The following CSMD1 variants were observed in gnomAD, a reference collection of about 807,000 sequenced individuals.
CSMD1 encodes CUB and Sushi multiple domains 1, also known as CUB and sushi domain-containing protein 1.
Under a neutral mutation model 417.5 loss-of-function variants are expected in CSMD1, and 213 were observed. That is an observed-to-expected ratio of 0.51 (90% CI 0.46 to 0.57). The LOEUF is 0.57. Among genes scored for constraint, CSMD1 ranks in the 20% least tolerant of loss-of-function variants. The probability of loss-of-function intolerance (pLI) is 0.00; values close to 1 mark genes in which losing one functional copy is unlikely to be tolerated. For synonymous variants in CSMD1, 2,862 were observed against 1,736.8 expected (o/e 1.65, Z -16.11); for missense variants, 6,923 against 4,529.7 (o/e 1.53, Z -15.17).
chr8:4,427,949 C>G (rs1033424538), intron 2 of CSMD1, among the ~76,000 whole-genome samples: 1 of 152,140 alleles, frequency 6.6e-6, no homozygotes, highest in African/African-American at 2.4e-5. Flanking sequence ...GTTATGTTTT[C>G]AAATGTTTTT....
Position 3,129,911 on chromosome 8 carries a change from G to A in CSMD1, c.6242-11324C>T, listed in dbSNP as rs151068109. Among the ~76,000 whole-genome samples the A allele has an allele frequency of 1.6e-3, 251 of 152,162 alleles. 6 individuals carry two copies. The East Asian group carries it at 0.042, about 26-fold the overall frequency. On this transcript the variant is annotated intron_variant, in intron 41 of 69. Transcript: ENST00000635120. ...TGGGAGAATCACCTGAGCCCGGGGG[G>A]CGGAGGTTGCAGTGAGCCGAGATCG...
chr8:3,550,396 A>G (rs189098140), intron 10 of CSMD1, among the ~76,000 whole-genome samples: 39 of 152,204 alleles, frequency 2.6e-4, no homozygotes, highest in Admixed American at 2.2e-3. Context: ...CCCCATCTTC[A>G]CAACCTCCAA....
intron 3 of CSMD1, among the ~76,000 whole-genome samples, chr8:4,249,153 C>A (rs1802893340): frequency 6.6e-6 from 1 of 152,178 alleles, no homozygotes; most frequent in South Asian, 2.1e-4. Flanking sequence ...ATAATCTTAA[C>A]ATATATTAAG....
At chr8:4,145,450 T>C (rs1462229604) in intron 3 of CSMD1, among the ~76,000 whole-genome samples, 2 of 151,232 alleles carry the variant, frequency 1.3e-5, no homozygotes, top group East Asian at 1.9e-4. Flanking sequence ...GGTTACTATA[T>C]ATTTTTTGTA....
At chr8:4,281,284 G>C (rs1032057376) in intron 3 of CSMD1, among the ~76,000 whole-genome samples, 2 of 152,216 alleles carry the variant, frequency 1.3e-5, no homozygotes, top group Non-Finnish European at 2.9e-5. Flanking sequence ...TGGGAAAATA[G>C]AAGGTAGAGA....
chr8:3,064,935 G>A (rs1812820932), intron 49 of CSMD1, among the ~76,000 whole-genome samples: 1 of 152,094 alleles, frequency 6.6e-6, no homozygotes, highest in African/African-American at 2.4e-5. Context: ...GTGGAAGGGA[G>A]AAAATTAGAG....
chr8:4,023,117 G>C lies in CSMD1; in HGVS notation c.610+8788C>G, dbSNP rs530919540. Among the ~76,000 whole-genome samples, 7 of 152,236 alleles carry C rather than the reference G, an allele frequency of 4.6e-5. No individual in the cohort carries two copies. In the South Asian group the frequency reaches 8.3e-4, roughly 18 times the overall value. On this transcript the variant is annotated intron_variant, in intron 4 of 69. Coordinates refer to ENST00000635120, the MANE Select transcript of CSMD1 (RefSeq NM_033225.6). ...CTTCAGCTAATGCAGTGGATGTACAGGAGATGCACTCTAATGTGTGGAGGA... is the reference window on the plus strand; with the variant it reads ...CTTCAGCTAATGCAGTGGATGTACACGAGATGCACTCTAATGTGTGGAGGA...
chr8:3,985,804 G>A (rs573709768), intron 5 of CSMD1, among the ~76,000 whole-genome samples: 60 of 149,686 alleles, frequency 4.0e-4, no homozygotes, highest in African/African-American at 1.3e-3. Context: ...CGCCCAGATT[G>A]GACAGGGTGA....
chr8:4,158,691 C>G (rs568511768), intron 3 of CSMD1, among the ~76,000 whole-genome samples: 2 of 152,116 alleles, frequency 1.3e-5, no homozygotes, highest in Admixed American at 6.5e-5. Flanking sequence ...GGGCCAGCAG[C>G]TATTCCTAAA....
Position 4,128,351 on chromosome 8 carries a change from A to T in CSMD1, c.416-96252T>A, listed in dbSNP as rs77465273. Among the ~76,000 whole-genome samples, 1,164 of 152,290 alleles carry T rather than the reference A, an allele frequency of 7.6e-3. 17 individuals are homozygous for T. The highest frequency in any genetic ancestry group is 0.026 in the African/African-American group (1,079 of 41,562). Reference sequence around the variant, plus strand: ...AATGAGGAGACAAGAACGTGAACCAAGTAAAAACTTATGTGGATGGTAAAC... The same window carrying T: ...AATGAGGAGACAAGAACGTGAACCATGTAAAAACTTATGTGGATGGTAAAC... On this transcript the variant is annotated intron_variant, in intron 3 of 69. Coordinates refer to ENST00000635120, the MANE Select transcript of CSMD1 (RefSeq NM_033225.6).
chr8:4,525,026 A>G (rs548334518), intron 2 of CSMD1, among the ~76,000 whole-genome samples: 2 of 152,300 alleles, frequency 1.3e-5, no homozygotes, highest in South Asian at 4.1e-4. Flanking sequence ...TATATTTTGA[A>G]TCAAGACATT....
At chr8:3,870,340 G>T (rs954894464) in intron 5 of CSMD1, among the ~76,000 whole-genome samples, 2 of 151,996 alleles carry the variant, frequency 1.3e-5, no homozygotes, top group African/African-American at 2.4e-5. Context: ...ATGATGATTT[G>T]TAGCACATAT....
intron 3 of CSMD1, among the ~76,000 whole-genome samples, chr8:4,332,471 A>T (rs1442885172): frequency 6.6e-6 from 1 of 151,822 alleles, no homozygotes; most frequent in African/African-American, 2.4e-5. Context: ...TGTCTCTCCA[A>T]CTGAGCACCT....
At chr8:3,585,672 T>C (rs931437157) in intron 9 of CSMD1, among the ~76,000 whole-genome samples, 1 of 152,218 alleles carries the variant, frequency 6.6e-6, no homozygotes, top group Non-Finnish European at 1.5e-5. Context: ...AGATTAAAGA[T>C]CATTTATTAA....
At chr8:3,775,213 G>C (rs964736297) in intron 5 of CSMD1, among the ~76,000 whole-genome samples, 5 of 152,196 alleles carry the variant, frequency 3.3e-5, no homozygotes, top group Admixed American at 2.6e-4. Context: ...GAAAGGTTTA[G>C]ATAAAACTTT....
rs79358183 is a variant in CSMD1, at chr8:4,423,602, A to T, written c.303-3537T>A. Among the ~76,000 whole-genome samples, 122 of 152,156 alleles carry T rather than the reference A, an allele frequency of 8.0e-4. 1 individual carries two copies. The highest frequency in any genetic ancestry group is 2.7e-3 in the African/African-American group (114 of 41,546). ...ATGTTAATAGTATGGAAGATGGAAG[A>T]CTCAATAATGTAAAGATATAGGTTA... On this transcript the variant is annotated intron_variant, in intron 2 of 69. Transcript: ENST00000635120.
chr8:4,257,881 G>A (rs986359156), intron 3 of CSMD1, among the ~76,000 whole-genome samples: 1 of 152,166 alleles, frequency 6.6e-6, no homozygotes, highest in East Asian at 1.9e-4. Context: ...TTATTCTGTT[G>A]CCTCTGTTGT....
At chr8:4,557,377 A>G (rs73498651) in intron 2 of CSMD1, among the ~76,000 whole-genome samples, 19,991 of 152,156 alleles carry the variant, frequency 0.13, 1,844 homozygotes, top group African/African-American at 0.27. Context: ...ATATAATTTG[A>G]TAGCATTATC....
intron 1 of CSMD1, among the ~76,000 whole-genome samples, chr8:4,867,449 G>A (rs1483727656): frequency 6.6e-6 from 1 of 151,960 alleles, no homozygotes; most frequent in Non-Finnish European, 1.5e-5. Context: ...TTCCAATAAA[G>A]TATAATTATT....
Sources: gnomAD v4.1 joint callset for allele counts (sites outside exome capture counted in the v4.1 genomes callset) on GRCh38, gnomAD v4.1.1 for gene constraint, MANE v1.5 for transcripts, NCBI Gene and HGNC (gene_info 2026-07-23, HGNC 2026-07-21) for gene names.